The following TBCK variants were observed in gnomAD, a reference collection of about 807,000 sequenced individuals.
The protein encoded by TBCK is TBC domain-containing protein kinase-like protein.
In TBCK, 99 loss-of-function variants were observed where a neutral mutation model predicts 113.4. The ratio of observed to expected loss-of-function variants is 0.87; its 90% CI spans 0.74 to 1.03. The LOEUF (loss-of-function observed/expected upper bound fraction) is 1.03, where lower values mean the gene tolerates loss of function less well. Among genes scored for constraint, TBCK ranks in the 50% least tolerant of loss-of-function variants. The probability of loss-of-function intolerance (pLI) is 0.00; values close to 1 mark genes in which losing one functional copy is unlikely to be tolerated. For missense variants in TBCK, 1,045 were observed against 1,061.3 expected (o/e 0.98, Z 0.21); for synonymous variants, 369 against 370.8 (o/e 1.00, Z 0.05).
chr4:106,151,958 T>G (rs1748543285), intron 23 of TBCK, among the ~76,000 whole-genome samples: 1 of 152,160 alleles, frequency 6.6e-6, no homozygotes, highest in Admixed American at 6.5e-5. Context: ...TTTGCTGAAT[T>G]TATCACTTCT....
At chr4:106,197,296 G>A (rs1320068365) in intron 20 of TBCK, among the ~76,000 whole-genome samples, 1 of 151,236 alleles carries the variant, frequency 6.6e-6, no homozygotes, top group Non-Finnish European at 1.5e-5. Flanking sequence ...GAAAGCTCCA[G>A]AAGTCTGCTG....
At chr4:106,120,470 C>G (rs1048131727) in intron 23 of TBCK, among the ~76,000 whole-genome samples, 1 of 152,290 alleles carries the variant, frequency 6.6e-6, no homozygotes, top group Admixed American at 6.5e-5. Context: ...CACCACAGCT[C>G]AAGGAGGCCT....
At chr4:106,121,388 C>T (rs1180273078) in intron 23 of TBCK, among the ~76,000 whole-genome samples, 1 of 142,662 alleles carries the variant, frequency 7.0e-6, no homozygotes, top group East Asian at 2.0e-4. Flanking sequence ...TCCTGAGTGA[C>T]CTACAAAGAG....
intron 25 of TBCK, among the ~76,000 whole-genome samples, chr4:106,056,238 C>A (rs574798453): frequency 6.0e-5 from 9 of 151,060 alleles, no homozygotes; most frequent in South Asian, 2.1e-4. Flanking sequence ...AAACACCCAA[C>A]CTGGAGACTT....
intron 3 of TBCK, among the ~76,000 whole-genome samples, chr4:106,271,450 C>G (rs1763472719): frequency 6.6e-6 from 1 of 152,002 alleles, no homozygotes; most frequent in Admixed American, 6.6e-5. Flanking sequence ...GCTAATTTAG[C>G]TCAAATACTT....
intron 23 of TBCK, among the ~76,000 whole-genome samples, chr4:106,129,374 T>C (rs1694191804): frequency 6.6e-6 from 1 of 152,168 alleles, no homozygotes; most frequent in Admixed American, 6.6e-5. Flanking sequence ...CTCCCACTTA[T>C]AAGTGAACAT....
At chr4:106,085,962 A>T (rs1313519182) in intron 25 of TBCK, among the ~76,000 whole-genome samples, 2 of 152,216 alleles carry the variant, frequency 1.3e-5, no homozygotes, top group Non-Finnish European at 2.9e-5. Flanking sequence ...TTAAGAGGGA[A>T]GTTTTAGCCC....
chr4:106,210,967 C>G (rs1205447746), intron 20 of TBCK, among the ~76,000 whole-genome samples: 1 of 152,036 alleles, frequency 6.6e-6, no homozygotes, highest in Non-Finnish European at 1.5e-5. Flanking sequence ...TAATTCTACA[C>G]ATTATTTTTT....
Position 106,248,315 on chromosome 4 carries a change from TAAAG to T in TBCK, c.721-13_721-10del, listed in dbSNP as rs1482304307. On this transcript the variant is annotated splice_polypyrimidine_tract_variant and intron_variant, in intron 8 of 25. Transcript: ENST00000394708. Reference sequence around the variant, plus strand: ...ACAGTTTCAGGAAGCTCCTGGTAAATAAAGAGAGAAAATAATTAATTAAAATGAT... The same window carrying T: ...ACAGTTTCAGGAAGCTCCTGGTAAATAGAGAAAATAATTAATTAAAATGAT... 4 of 1,548,714 alleles carry T rather than the reference TAAAG, an allele frequency of 2.6e-6. No homozygotes were observed. The highest frequency in any genetic ancestry group is 2.8e-5 in the African/African-American group (2 of 72,184).
At chr4:106,238,519 T>C (rs1025748712) in intron 12 of TBCK, 1 of 152,046 alleles carries the variant, frequency 6.6e-6, no homozygotes, top group Non-Finnish European at 1.5e-5. Flanking sequence ...ACCTTCAGAA[T>C]GGAGAAGACC....
chr4:106,104,223 C>G (rs776373225), intron 24 of TBCK, among the ~76,000 whole-genome samples: 1 of 152,212 alleles, frequency 6.6e-6, no homozygotes, highest in Non-Finnish European at 1.5e-5. Flanking sequence ...GGCTGAGTAG[C>G]AACAACCCAT....
intron 3 of TBCK, among the ~76,000 whole-genome samples, chr4:106,276,734 T>TAAAAAC (rs1764064012): frequency 6.6e-6 from 1 of 151,542 alleles, no homozygotes; most frequent in South Asian, 2.1e-4. Flanking sequence ...ACATATCTAC[T>TAAAAAC]AAAAACAAAA....
At position 106,242,454 on chromosome 4, in the gene TBCK, A is replaced by C. The variant is rs998468019; in HGVS notation, c.1170+16T>G. The stretch of plus-strand genomic sequence containing the variant: ...GAAAAAAACCTAAAGCAGAACTGTC[A>C]AAATATCTTTCTTACATTTCTTAGC... On this transcript the variant is annotated intron_variant, in intron 12 of 25. Transcript: ENST00000394708. The C allele has an allele frequency of 1.3e-6, 2 of 1,579,240 alleles. No homozygotes were observed. Among genetic ancestry groups the C allele is most frequent in the Non-Finnish European group, 1.7e-6 (2 of 1,163,330 alleles).
At chr4:106,145,291 C>T (rs555057206) in intron 23 of TBCK, among the ~76,000 whole-genome samples, 19 of 152,280 alleles carry the variant, frequency 1.2e-4, no homozygotes, top group African/African-American at 4.6e-4. Flanking sequence ...GCACTCCAGC[C>T]TGGTGAGACA....
intron 3 of TBCK, among the ~76,000 whole-genome samples, chr4:106,275,531 G>A (rs2125761886): frequency 6.6e-6 from 1 of 152,046 alleles, no homozygotes; most frequent in South Asian, 2.1e-4. Flanking sequence ...AAATCCTAAG[G>A]AATCCACCAA....
rs1269037026 is a variant in TBCK, at chr4:106,233,469, A to G, written c.1512+119T>C. 14 of 741,360 alleles carry G rather than the reference A, an allele frequency of 1.9e-5. No homozygotes were observed. In the Middle Eastern group the frequency reaches 8.0e-4, roughly 43 times the overall value. The allele number at this position is 741,360 out of a possible 1,614,324, so 45.9% of individuals were successfully genotyped here. A position where few individuals can be genotyped will look rare whatever the true frequency, so the allele number is the denominator to read the frequency against. ...TAAGAGTTATGGTTTCTCTAACAAT[A>G]TATGTATGCAGCAGTGTCTCTGTAT... On this transcript the variant is annotated intron_variant, in intron 16 of 25. Transcript: ENST00000394708.
At chr4:106,231,410 C>G (rs1758843642) in intron 18 of TBCK, among the ~76,000 whole-genome samples, 1 of 151,632 alleles carries the variant, frequency 6.6e-6, no homozygotes, top group Non-Finnish European at 1.5e-5. Flanking sequence ...TTTGGAGATG[C>G]AAGGTTATGG....
chr4:106,164,064 T>C (rs1423204883), intron 23 of TBCK, among the ~76,000 whole-genome samples: 5 of 152,112 alleles, frequency 3.3e-5, no homozygotes, highest in Non-Finnish European at 5.9e-5. Context: ...TCAAAAGATA[T>C]GATTTTCTAT....
At chr4:106,276,361 G>C (rs1764024590) in intron 3 of TBCK, among the ~76,000 whole-genome samples, 1 of 152,138 alleles carries the variant, frequency 6.6e-6, no homozygotes, top group African/African-American at 2.4e-5. Flanking sequence ...TCTCAAACAG[G>C]ATATAAAAAG....
Sources: allele counts gnomAD v4.1 joint callset (sites outside exome capture counted in the v4.1 genomes callset), GRCh38; gene constraint gnomAD v4.1.1; transcripts MANE v1.5; gene names NCBI Gene and HGNC (gene_info 2026-07-23, HGNC 2026-07-21).